Variants in PDXDC1 observed in about 807,000 individuals in gnomAD.
The protein encoded by PDXDC1 is pyridoxal dependent decarboxylase domain containing 1, also known as pyridoxal-dependent decarboxylase domain-containing protein 1.
PDXDC1 carries 42 observed loss-of-function variants against 100.1 expected under a neutral mutation model. The observed-to-expected ratio is 0.42, with a 90% confidence interval of 0.33 to 0.54. PDXDC1 has a LOEUF of 0.54. PDXDC1 is among the 20% of genes least tolerant of loss of function. The pLI is 0.10. For synonymous variants in PDXDC1, 260 were observed against 371.7 expected (o/e 0.70, Z 3.46); for missense variants, 636 against 979.2 (o/e 0.65, Z 4.68).
intron 16 of PDXDC1, among the ~76,000 whole-genome samples, chr16:15,114,974 C>T (rs377537230): frequency 0.077 from 11,064 of 143,640 alleles, 749 homozygotes; most frequent in African/African-American, 0.17. Context: ...TCCACTCAGT[C>T]GCCCAGGCTG....
At chr16:15,040,548 C>A, downstream of PDXDC1, 1 of 173,268 alleles carries the variant, frequency 5.8e-6, no homozygotes, top group Non-Finnish European at 1.2e-5. Context: ...GAAATAGAGC[C>A]GATTCCATGA....
At chr16:15,131,973 G>A (rs1216387111) in intron 16 of PDXDC1, among the ~76,000 whole-genome samples, 2 of 10,422 alleles carry the variant, frequency 1.9e-4, no homozygotes, top group African/African-American at 4.5e-4. Context: ...AAGAGAAAGG[G>A]GAGAAGAGGA....
At chr16:15,143,514 G>A (rs978355461), downstream of PDXDC1, among the ~76,000 whole-genome samples, 2 of 152,180 alleles carry the variant, frequency 1.3e-5, no homozygotes, top group Non-Finnish European at 2.9e-5. Context: ...TGGAGCCTCG[G>A]CCCCTCAGGG....
chr16:15,026,064 G>A (rs2042574157), intron 13 of PDXDC1: 1 of 153,040 alleles, frequency 6.5e-6, no homozygotes, highest in Admixed American at 6.5e-5. Context: ...GTTTTGCAAA[G>A]GGGAGGAAAG....
chr16:15,119,609 A>AG (rs1164691162), intron 16 of PDXDC1, among the ~76,000 whole-genome samples: 1 of 144,302 alleles, frequency 6.9e-6, no homozygotes, highest in African/African-American at 2.6e-5. Context: ...AGTAGAGATG[A>AG]GGTTTCACCA....
intron 14 of PDXDC1, among the ~76,000 whole-genome samples, chr16:15,027,601 G>A (rs2151601473): frequency 6.6e-6 from 1 of 152,402 alleles, no homozygotes; most frequent in South Asian, 2.1e-4. Flanking sequence ...GGAGCCAGAA[G>A]GGAGACAGAT....
intron 16 of PDXDC1, chr16:15,061,488 C>A (rs1389174845): frequency 5.1e-6 from 2 of 394,944 alleles, no homozygotes; most frequent in African/African-American, 4.1e-5. Flanking sequence ...ACAAGCAAAT[C>A]CTTCCAAATG....
intron 16 of PDXDC1, chr16:15,125,165 A>T: frequency 3.7e-6 from 2 of 547,306 alleles, no homozygotes; most frequent in South Asian, 2.1e-5. Context: ...AAAAAAAAAA[A>T]AAAAAAAAAA....
rs932261237 is a variant in PDXDC1 at position 15,084,512 on chromosome 16, T to C, written c.1400-54367T>C. ...ACTTTTTGTAGAATGTAATGTTTCC[T>C]CAAGTGGATACAAAAAAAACATGCA... On this transcript the variant is annotated intron_variant, in intron 16 of 16. Coordinates refer to the PDXDC1 transcript ENST00000535621. 18 of 636,212 alleles carry C rather than the reference T, an allele frequency of 2.8e-5. No individual in the cohort carries two copies. In the African/African-American group the frequency reaches 3.2e-4, roughly 11 times the overall value. The allele number at this position is 636,212 out of a possible 1,614,324, so 39.4% of individuals were successfully genotyped here.
intron 12 of PDXDC1, among the ~76,000 whole-genome samples, chr16:15,021,011 C>CACACACAA (rs1555562306): frequency 6.9e-6 from 1 of 145,826 alleles, no homozygotes; most frequent in African/African-American, 2.5e-5. Flanking sequence ...CACACACACA[C>CACACACAA]GAAAAGTATT....
intron 16 of PDXDC1, among the ~76,000 whole-genome samples, chr16:15,064,799 C>A (rs1362863199): frequency 4.6e-5 from 7 of 152,226 alleles, no homozygotes; most frequent in African/African-American, 1.4e-4. Flanking sequence ...TGCTCATCAA[C>A]AGCGAGGAAG....
intron 16 of PDXDC1, among the ~76,000 whole-genome samples, chr16:15,055,454 C>A (rs1274205016): frequency 1.3e-5 from 2 of 152,200 alleles, no homozygotes; most frequent in Non-Finnish European, 2.9e-5. Context: ...CTCCGAAGCC[C>A]ACCCTGGAAT....
intron 16 of PDXDC1, among the ~76,000 whole-genome samples, chr16:15,089,768 C>T (rs1484136554): frequency 7.7e-6 from 1 of 130,496 alleles, no homozygotes; most frequent in African/African-American, 2.9e-5. Flanking sequence ...CCACTGCACT[C>T]CAGCCTGGGC....
chr16:15,004,615 G>A (rs1361637770), intron 5 of PDXDC1, among the ~76,000 whole-genome samples: 1 of 152,256 alleles, frequency 6.6e-6, no homozygotes, highest in African/African-American at 2.4e-5. Context: ...TTTATTTGTG[G>A]GGTATCTAAT....
At chr16:15,150,499 T>C in the PDXDC1 span, among the ~76,000 whole-genome samples, 1 of 151,044 alleles carries the variant, frequency 6.6e-6, no homozygotes, top group Non-Finnish European at 1.5e-5. Context: ...ACCCCATCTC[T>C]ACTAAAAATA....
In PDXDC1 at chr16:14,975,180, C is replaced by T. The variant is rs1443350256; in HGVS notation, c.-20C>T. The T allele has an allele frequency of 1.4e-6, 2 of 1,452,722 alleles. No homozygotes were observed. The highest frequency in any genetic ancestry group is 1.8e-6 in the Non-Finnish European group (2 of 1,113,126). The allele number at this position is 1,452,722 out of a possible 1,614,324, so 90.0% of individuals were successfully genotyped here. A position where few individuals can be genotyped will look rare whatever the true frequency, so the allele number is the denominator to read the frequency against. ...GAAGTAGAGCCCGGGACCGCCAGGCCACCACCGGCCGCCTCAGCCATGGAC... is the reference window on the plus strand; with the variant it reads ...GAAGTAGAGCCCGGGACCGCCAGGCTACCACCGGCCGCCTCAGCCATGGAC... On this transcript the variant is annotated 5_prime_UTR_variant, in exon 1 of 23. Coordinates refer to ENST00000396410, the MANE Select transcript of PDXDC1 (RefSeq NM_015027.4).
chr16:15,018,054 CT>C (rs772773726), intron 11 of PDXDC1, among the ~76,000 whole-genome samples: 2 of 151,788 alleles, frequency 1.3e-5, no homozygotes, highest in Non-Finnish European at 2.9e-5. Flanking sequence ...TCCCAAAGTG[CT>C]GGGATTACAG....
the PDXDC1 span, among the ~76,000 whole-genome samples, chr16:15,145,414 G>C: frequency 1.3e-5 from 2 of 152,258 alleles, no homozygotes; most frequent in East Asian, 3.9e-4. Flanking sequence ...CTGGGCATGG[G>C]CTTGCCCCAG....
At chr16:15,131,688 G>A (rs1018569667) in intron 16 of PDXDC1, 35 of 1,560,212 alleles carry the variant, frequency 2.2e-5, no homozygotes, top group Non-Finnish European at 3.0e-5. Flanking sequence ...CGTCTGAGCT[G>A]GCCAGGTGGA....
Sources: gnomAD v4.1 joint callset for allele counts (sites outside exome capture counted in the v4.1 genomes callset) on GRCh38, gnomAD v4.1.1 for gene constraint, MANE v1.5 for transcripts, NCBI Gene and HGNC (gene_info 2026-07-23, HGNC 2026-07-21) for gene names.